ZFHX4: variants seen among roughly 807,000 people sequenced by gnomAD.
The protein encoded by ZFHX4 is zinc finger homeobox 4.
In ZFHX4, 56 loss-of-function variants were observed where a neutral mutation model predicts 267.6. That is an observed-to-expected ratio of 0.21 (90% CI 0.17 to 0.26). ZFHX4 has a LOEUF of 0.26. Among genes scored for constraint, ZFHX4 ranks in the 10% least tolerant of loss-of-function variants. The pLI is 1.00. For missense variants in ZFHX4, 4,332 were observed against 4,420.0 expected, an observed-to-expected ratio of 0.98 and a Z score of 0.56; for synonymous variants, 1,778 against 1,665.6, an observed-to-expected ratio of 1.07 and a Z score of -1.64.
Position 76,681,403 on chromosome 8 carries a change from C to G in ZFHX4, c.-264C>G, listed in dbSNP as rs1340897655. The G allele has an allele frequency of 1.0e-5, 4 of 398,820 alleles. No individual in the cohort carries two copies. The Admixed American group carries it at 1.3e-4, about 13-fold the overall frequency. The allele number at this position is 398,820 out of a possible 1,614,324, so 24.7% of individuals were successfully genotyped here. A position where few individuals can be genotyped will look rare whatever the true frequency, so the allele number is the denominator to read the frequency against. On this transcript the variant is annotated 5_prime_UTR_variant, in exon 1 of 11. Transcript: ENST00000651372. The stretch of plus-strand genomic sequence containing the variant: ...ACAGCGAGACCGCGGTCGGCACATG[C>G]TTTAACTCCTCCCGGACCCCCGAGG...
rs150331475 is a variant in ZFHX4, at chr8:76,692,127, T to C, written c.-47+10507T>C. Reference sequence around the variant, plus strand: ...TCCTAAGGGGCTTCTGGGTATTTAATGCATTTCTGAATCTTCATTTTTTTT... The same window carrying C: ...TCCTAAGGGGCTTCTGGGTATTTAACGCATTTCTGAATCTTCATTTTTTTT... On this transcript the variant is annotated intron_variant, in intron 1 of 10. Transcript: ENST00000651372. Among the ~76,000 whole-genome samples the C allele has an allele frequency of 5.4e-3, 828 of 152,214 alleles. 6 individuals are homozygous for C. The highest frequency in any genetic ancestry group is 0.018 in the African/African-American group (759 of 41,544).
At chr8:76,733,657 A>T (rs1456957138) in intron 3 of ZFHX4, among the ~76,000 whole-genome samples, 1 of 152,156 alleles carries the variant, frequency 6.6e-6, no homozygotes, top group Non-Finnish European at 1.5e-5. Flanking sequence ...TATTAAGATA[A>T]TATTCATATG....
chr8:76,775,381 A>G (rs966253916), intron 3 of ZFHX4, among the ~76,000 whole-genome samples: 1 of 152,230 alleles, frequency 6.6e-6, no homozygotes, highest in Admixed American at 6.5e-5. Context: ...AAGAAACCCA[A>G]CAAGTCAGTG....
At chr8:76,699,399 TAC>T (rs1382120807) in intron 1 of ZFHX4, among the ~76,000 whole-genome samples, 3 of 152,138 alleles carry the variant, frequency 2.0e-5, no homozygotes, top group African/African-American at 4.8e-5. Flanking sequence ...GAGAAAAAGT[TAC>T]ACAATCTTTC....
intron 3 of ZFHX4, among the ~76,000 whole-genome samples, chr8:76,714,319 G>T (rs1335662523): frequency 6.6e-6 from 1 of 152,172 alleles, no homozygotes; most frequent in African/African-American, 2.4e-5. Context: ...TGCTGAAAGG[G>T]TCTTGGCCCT....
chr8:76,789,111 A>C (rs910099906), intron 4 of ZFHX4, among the ~76,000 whole-genome samples: 2 of 152,190 alleles, frequency 1.3e-5, no homozygotes, highest in Non-Finnish European at 2.9e-5. Context: ...CTCATGTAAG[A>C]CTAAACTGAC....
intron 3 of ZFHX4, among the ~76,000 whole-genome samples, chr8:76,766,555 C>T (rs1471712738): frequency 6.6e-6 from 1 of 152,032 alleles, no homozygotes. Context: ...CCTTGGGCTG[C>T]ATGGGCTGTG....
intron 4 of ZFHX4, among the ~76,000 whole-genome samples, chr8:76,808,059 C>T (rs1811287198): frequency 6.6e-6 from 1 of 151,988 alleles, no homozygotes; most frequent in Non-Finnish European, 1.5e-5. Flanking sequence ...CACATATATA[C>T]AGTATTTCCA....
chr8:76,810,865 A>G (rs1811359144), intron 4 of ZFHX4, among the ~76,000 whole-genome samples: 1 of 152,120 alleles, frequency 6.6e-6, no homozygotes, highest in Non-Finnish European at 1.5e-5. Flanking sequence ...TAAAAAGGAA[A>G]TTTAATATAG....
chr8:76,767,458 T>G (rs1210583094), intron 3 of ZFHX4, among the ~76,000 whole-genome samples: 4 of 152,152 alleles, frequency 2.6e-5, no homozygotes, highest in Non-Finnish European at 5.9e-5. Context: ...TCTTCTGTGT[T>G]CTTGTTATCC....
At chr8:76,819,279 T>C (rs1811584416) in intron 4 of ZFHX4, among the ~76,000 whole-genome samples, 1 of 152,072 alleles carries the variant, frequency 6.6e-6, no homozygotes, top group Admixed American at 6.6e-5. Context: ...GTTAGCCTAT[T>C]AATGTCATTT....
intron 3 of ZFHX4, among the ~76,000 whole-genome samples, chr8:76,729,335 G>T (rs1441210082): frequency 3.3e-5 from 5 of 152,118 alleles, no homozygotes; most frequent in Admixed American, 2.0e-4. Flanking sequence ...TGGGATTAAG[G>T]CTGAAACGAT....
intron 4 of ZFHX4, among the ~76,000 whole-genome samples, chr8:76,830,576 T>C (rs1349121737): frequency 2.0e-5 from 3 of 152,320 alleles, no homozygotes; most frequent in African/African-American, 7.2e-5. Flanking sequence ...CAAAAGCTCC[T>C]TTATTAAAAT....
At position 76,851,457 on chromosome 8, in the gene ZFHX4, C is replaced by T. The variant is rs773368973; in HGVS notation, c.4536C>T (p.Asp1512=). The change falls in exon 10 of 11, where the codon GAC becomes GAT. Residue 1512 remains aspartate (D), a synonymous_variant. Transcript: ENST00000651372. Reference sequence around the variant, plus strand: ...GTGATAGTAGCTCTATTCCAGATGACATGGGCTCTGAACCAAAGCGGACCT... The same window carrying T: ...GTGATAGTAGCTCTATTCCAGATGATATGGGCTCTGAACCAAAGCGGACCT... ...VGSDSSSIPD[D]MGSEPKRTLP... is the part of the protein sequence containing the mutation. The T allele has an allele frequency of 3.1e-6, 5 of 1,613,742 alleles. No individual in the cohort carries two copies. In the African/African-American group the frequency reaches 6.7e-5, roughly 22 times the overall value.
chr8:76,798,980 G>C (rs1164208399), intron 4 of ZFHX4, among the ~76,000 whole-genome samples: 3 of 152,302 alleles, frequency 2.0e-5, no homozygotes, highest in African/African-American at 7.2e-5. Context: ...GACATGTAAA[G>C]AGGAGAGGCA....
intron 4 of ZFHX4, among the ~76,000 whole-genome samples, chr8:76,806,105 G>A (rs1042382075): frequency 1.3e-5 from 2 of 152,092 alleles, no homozygotes; most frequent in Admixed American, 6.6e-5. Context: ...TTTTAGGCAT[G>A]TGTTGCCTGC....
At chr8:76,779,940 C>T (rs1007049443) in intron 4 of ZFHX4, among the ~76,000 whole-genome samples, 13 of 151,922 alleles carry the variant, frequency 8.6e-5, no homozygotes, top group Admixed American at 7.9e-4. Flanking sequence ...TCCAACTGTG[C>T]TTGGATAAGA....
intron 3 of ZFHX4, among the ~76,000 whole-genome samples, chr8:76,764,662 C>G (rs141550590): frequency 1.3e-5 from 2 of 152,074 alleles, no homozygotes; most frequent in African/African-American, 4.8e-5. Context: ...TCAAAAGGAC[C>G]AGTACATTTC....
At chr8:76,833,664 T>C (rs1299083006) in intron 5 of ZFHX4, 11 of 369,226 alleles carry the variant, frequency 3.0e-5, no homozygotes, top group South Asian at 2.4e-4. Context: ...ATGTATAGCC[T>C]CCTTCATTAT....
Sources: allele counts gnomAD v4.1 joint callset (sites outside exome capture counted in the v4.1 genomes callset), GRCh38; gene constraint gnomAD v4.1.1; transcripts MANE v1.5; gene names NCBI Gene and HGNC (gene_info 2026-07-23, HGNC 2026-07-21).